CCM2: variants seen among roughly 807,000 people sequenced by gnomAD.
CCM2 encodes cerebral cavernous malformations 2 protein.
Under a neutral mutation model 44.9 loss-of-function variants are expected in CCM2, and 25 were observed. That is an observed-to-expected ratio of 0.56 (90% CI 0.41 to 0.78). The LOEUF is 0.78. CCM2 is among the 30% of genes least tolerant of loss of function. The pLI, the probability that CCM2 is intolerant of heterozygous loss-of-function variation, is 0.00. For synonymous variants in CCM2, 219 were observed against 241.1 expected, an observed-to-expected ratio of 0.91 and a Z score of 0.85; for missense variants, 481 against 580.6, an observed-to-expected ratio of 0.83 and a Z score of 1.76.
chr7:45,016,695 C>T (rs530295619), intron 1 of CCM2, among the ~76,000 whole-genome samples: 35 of 150,556 alleles, frequency 2.3e-4, no homozygotes, highest in African/African-American at 6.1e-4. Flanking sequence ...TGCAGTGGCG[C>T]GATCCTGGCT....
chr7:45,054,422 C>T (rs896031537), intron 2 of CCM2, among the ~76,000 whole-genome samples: 6 of 151,790 alleles, frequency 4.0e-5, no homozygotes, highest in Admixed American at 6.6e-5. Context: ...GACCCTGCCA[C>T]GGGAACTTTA....
At chr7:45,006,107 G>T (rs967874313) in intron 1 of CCM2, among the ~76,000 whole-genome samples, 1 of 152,206 alleles carries the variant, frequency 6.6e-6, no homozygotes. Flanking sequence ...GCAGGCTTTG[G>T]TAAGAGTGAT....
At chr7:45,049,457 C>T (rs764764520) in intron 2 of CCM2, among the ~76,000 whole-genome samples, 2 of 152,182 alleles carry the variant, frequency 1.3e-5, no homozygotes, top group African/African-American at 4.8e-5. Flanking sequence ...ACGGTATACA[C>T]TGTTTGCACC....
intron 1 of CCM2, among the ~76,000 whole-genome samples, chr7:45,016,925 G>A (rs545637039): frequency 6.6e-5 from 10 of 151,592 alleles, no homozygotes; most frequent in East Asian, 1.9e-4. Flanking sequence ...GAGCCACCTC[G>A]CTTGGCTAAT....
Position 45,073,484 on chromosome 7 carries a change from G to C in CCM2, c.828G>C (p.Val276=). ...STFCFPESVD[V]GGASPHSKTI... ...GCTGCTTCCCTGAATCTGTGGATGT[G>C]GGTGGTGCATCACCCCACAGCAAGA... Residue 276 remains valine (V), a synonymous_variant, in exon 8 of 10, where the codon GTG becomes GTC. Transcript: ENST00000258781. 1 of 1,613,382 alleles carries C rather than the reference G, an allele frequency of 6.2e-7. No individual in the cohort carries two copies. Among genetic ancestry groups the C allele is most frequent in the African/African-American group, 1.3e-5 (1 of 75,058 alleles).
At chr7:45,055,525 A>C (rs1287231113) in intron 2 of CCM2, among the ~76,000 whole-genome samples, 1 of 152,084 alleles carries the variant, frequency 6.6e-6, no homozygotes, top group Non-Finnish European at 1.5e-5. Context: ...CGTCTCTACT[A>C]AAAATACAAA....
At chr7:45,030,885 G>A (rs1898963) in intron 1 of CCM2, among the ~76,000 whole-genome samples, 4,619 of 151,804 alleles carry the variant, frequency 0.03, 251 homozygotes, top group African/African-American at 0.11. Context: ...CACCATGCCC[G>A]GCTAATTTTT....
Position 45,052,043 on chromosome 7 carries a change from T to G in CCM2, c.205-11875T>G, listed in dbSNP as rs560508831. On this transcript the variant is annotated intron_variant, in intron 2 of 9. Coordinates refer to ENST00000258781, the MANE Select transcript of CCM2 (RefSeq NM_031443.4). Reference sequence around the variant, plus strand: ...ATCATGTGCCTACTGCTGTACCTCCTTTAGCACTAAGTGAGTCCCTTGATC... The same window carrying G: ...ATCATGTGCCTACTGCTGTACCTCCGTTAGCACTAAGTGAGTCCCTTGATC... Among the ~76,000 whole-genome samples, 70 of 152,328 alleles carry G rather than the reference T, an allele frequency of 4.6e-4. 1 individual carries two copies. Among genetic ancestry groups the G allele is most frequent in the African/African-American group, 1.5e-3 (63 of 41,576 alleles).
At chr7:45,044,309 T>A (rs1380490039) in intron 2 of CCM2, among the ~76,000 whole-genome samples, 3 of 152,200 alleles carry the variant, frequency 2.0e-5, no homozygotes, top group African/African-American at 7.2e-5. Flanking sequence ...AATCTTTTTT[T>A]GTATTTTTAG....
chr7:45,052,266 A>C (rs1376209323), intron 2 of CCM2, among the ~76,000 whole-genome samples: 1 of 152,204 alleles, frequency 6.6e-6, no homozygotes, highest in Non-Finnish European at 1.5e-5. Context: ...AGACAGGACA[A>C]CTGGTTGGTC....
chr7:45,064,041 C>G (rs767526521), intron 3 of CCM2, 40 bp downstream of exon 3: 1 of 1,392,654 alleles, frequency 7.2e-7, no homozygotes. Context: ...AGCCCTCAGC[C>G]CCCACCAGCC....
chr7:45,021,313 A>C (rs577181210), intron 1 of CCM2, among the ~76,000 whole-genome samples: 1 of 152,258 alleles, frequency 6.6e-6, no homozygotes, highest in African/African-American at 2.4e-5. Context: ...CTGTAATCTC[A>C]GCACTTTGGG....
At chr7:45,063,362 G>A (rs747706636) in intron 2 of CCM2, 47 of 157,908 alleles carry the variant, frequency 3.0e-4, no homozygotes, top group Non-Finnish European at 7.0e-5. Context: ...GTGAGCCACC[G>A]CACCTGGCCT....
chr7:45,010,693 G>T (rs1796032475), intron 1 of CCM2, among the ~76,000 whole-genome samples: 1 of 152,122 alleles, frequency 6.6e-6, no homozygotes, highest in East Asian at 1.9e-4. Flanking sequence ...TGCCTCCTGG[G>T]TTCAAGTGAT....
chr7:45,060,839 T>C lies in CCM2; in HGVS notation c.205-3079T>C, dbSNP rs76184488. Among the ~76,000 whole-genome samples, 383 of 152,368 alleles carry C rather than the reference T, an allele frequency of 2.5e-3. 2 individuals carry two copies. Among genetic ancestry groups the C allele is most frequent in the African/African-American group, 8.6e-3 (358 of 41,594 alleles). ...ATGCTGCCTATCTGTTCTTACATGATGTCTACTTTTTCCGTTAGAGCCATT... is the reference window on the plus strand; with the variant it reads ...ATGCTGCCTATCTGTTCTTACATGACGTCTACTTTTTCCGTTAGAGCCATT... On this transcript the variant is annotated intron_variant, in intron 2 of 9. Coordinates refer to ENST00000258781, the MANE Select transcript of CCM2 (RefSeq NM_031443.4).
chr7:45,016,297 T>TG (rs552670971), intron 1 of CCM2, among the ~76,000 whole-genome samples: 20 of 152,250 alleles, frequency 1.3e-4, no homozygotes, highest in Middle Eastern at 3.2e-3. Flanking sequence ...GGGGTCCTGA[T>TG]GCATGTGTAC....
chr7:45,074,009 G>C, intron 8 of CCM2: 1 of 677,120 alleles, frequency 1.5e-6, no homozygotes. Context: ...TGCCCTGCTG[G>C]CTCCTGTCCC....
Position 45,040,428 on chromosome 7 carries a change from A to T in CCM2, c.204+2002A>T, listed in dbSNP as rs185753668. Among the ~76,000 whole-genome samples the T allele has an allele frequency of 5.8e-4, 89 of 152,298 alleles. 1 individual carries two copies. The highest frequency in any genetic ancestry group is 2.1e-3 in the African/African-American group (86 of 41,570). On this transcript the variant is annotated intron_variant, in intron 2 of 9. Transcript: ENST00000258781. Reference sequence around the variant, plus strand: ...CAGAAAGAATATTCAAAAAACAAAGAAGGTTAATAAACAAAAGATGAGAAA... The same window carrying T: ...CAGAAAGAATATTCAAAAAACAAAGTAGGTTAATAAACAAAAGATGAGAAA...
chr7:45,074,055 A>G, intron 8 of CCM2: 4 of 962,552 alleles, frequency 4.2e-6, no homozygotes, highest in Non-Finnish European at 6.0e-6. Flanking sequence ...AGGAGAGTGG[A>G]GCTGCCCGGG....
Sources: gnomAD v4.1 joint callset for allele counts (sites outside exome capture counted in the v4.1 genomes callset) on GRCh38, gnomAD v4.1.1 for gene constraint, MANE v1.5 for transcripts, NCBI Gene and HGNC (gene_info 2026-07-23, HGNC 2026-07-21) for gene names.